TMEM266: variants seen among roughly 807,000 people sequenced by gnomAD.
TMEM266 encodes the protein Hv1 related protein 1.
TMEM266 carries 33 observed loss-of-function variants against 50.5 expected under a neutral mutation model. The ratio of observed to expected loss-of-function variants is 0.65; its 90% confidence interval spans 0.50 to 0.87. The LOEUF is 0.87. Among genes scored for constraint, TMEM266 ranks in the 40% least tolerant of loss-of-function variants. TMEM266 has a pLI of 0.00. For synonymous variants in TMEM266, 310 were observed against 292.3 expected (o/e 1.06, Z -0.62); for missense variants, 655 against 695.1 (o/e 0.94, Z 0.65).
chr15:76,070,915 G>T (rs928109855), intron 1 of TMEM266, among the ~76,000 whole-genome samples: 2 of 152,202 alleles, frequency 1.3e-5, no homozygotes, highest in Non-Finnish European at 2.9e-5. Flanking sequence ...CAGATGTGGA[G>T]CCTGAGGCCC....
At chr15:76,116,695 G>T (rs1387578958) in intron 1 of TMEM266, among the ~76,000 whole-genome samples, 1 of 152,046 alleles carries the variant, frequency 6.6e-6, no homozygotes, top group African/African-American at 2.4e-5. Context: ...TAGGACAACA[G>T]GAAAAGTCTC....
intron 1 of TMEM266, among the ~76,000 whole-genome samples, chr15:76,110,629 A>G (rs551277430): frequency 6.6e-6 from 1 of 152,324 alleles, no homozygotes; most frequent in African/African-American, 2.4e-5. Flanking sequence ...GAGGTCAAAG[A>G]TCACCCAGGT....
intron 8 of TMEM266, among the ~76,000 whole-genome samples, chr15:76,178,203 AGTT>A (rs1360197920): frequency 2.0e-5 from 3 of 151,794 alleles, no homozygotes; most frequent in African/African-American, 7.3e-5. Flanking sequence ...CTCAGATGTG[AGTT>A]GTTGATGGAG....
In TMEM266 at chr15:76,160,555, G is replaced by T. The variant is rs1002632269; in HGVS notation, c.456+387G>T. ...CAGGTGCCCACACAGGGAAGCTCTTGGGCCGCTGTGGCTGTGGTCTTGGGC... is the reference window on the plus strand; with the variant it reads ...CAGGTGCCCACACAGGGAAGCTCTTTGGCCGCTGTGGCTGTGGTCTTGGGC... On this transcript the variant is annotated intron_variant, in intron 5 of 10. Coordinates refer to ENST00000388942, the MANE Select transcript of TMEM266 (RefSeq NM_152335.3). This position sits in a 1 kb window ranked among gnomAD's most constrained non-coding sequence, Gnocchi z 5.7. Among the ~76,000 whole-genome samples, 8 of 152,232 alleles carry T rather than the reference G, an allele frequency of 5.3e-5. No homozygotes were observed. In the South Asian group the frequency reaches 1.4e-3, roughly 28 times the overall value.
chr15:76,171,890 A>G (rs1027019298), intron 7 of TMEM266, among the ~76,000 whole-genome samples: 1 of 152,068 alleles, frequency 6.6e-6, no homozygotes, highest in African/African-American at 2.4e-5. Context: ...GGGACAGAAA[A>G]CCCACCCCTG....
intron 1 of TMEM266, among the ~76,000 whole-genome samples, chr15:76,123,471 G>A (rs1161843165): frequency 2.0e-5 from 3 of 152,094 alleles, no homozygotes; most frequent in Non-Finnish European, 4.4e-5. Flanking sequence ...CTATCTCCAC[G>A]TAAAAGAACC....
chr15:76,131,591 ATC>A (rs1263502871), intron 1 of TMEM266, among the ~76,000 whole-genome samples: 2 of 152,196 alleles, frequency 1.3e-5, no homozygotes, highest in African/African-American at 4.8e-5. Context: ...TACTGATTAA[ATC>A]TGTTATGGAA....
At chr15:76,186,491 T>C (rs1432792982) in intron 8 of TMEM266, among the ~76,000 whole-genome samples, 1 of 152,194 alleles carries the variant, frequency 6.6e-6, no homozygotes, top group Admixed American at 6.5e-5. Context: ...GATGGACAGC[T>C]TCCAGTCACC....
chr15:76,138,731 T>C (rs1287931314), intron 3 of TMEM266, among the ~76,000 whole-genome samples: 1 of 152,248 alleles, frequency 6.6e-6, no homozygotes, highest in Non-Finnish European at 1.5e-5. Context: ...AATATGTGGG[T>C]CCACAATTCA....
In TMEM266 at chr15:76,134,246, T is replaced by G; in HGVS notation, c.-18T>G. 1 of 1,613,934 alleles carries G rather than the reference T, an allele frequency of 6.2e-7. No homozygotes were observed. The highest frequency in any genetic ancestry group is 2.2e-5 in the East Asian group (1 of 44,888). The stretch of plus-strand genomic sequence containing the variant: ...AGGCTTCAGGACAGCTGAGCCCCAC[T>G]AAACACCAAGAAAACCCATGGCTGT... On this transcript the variant is annotated 5_prime_UTR_variant, in exon 2 of 11. An upstream open reading frame in the 5' UTR loses its in-frame stop. Coordinates refer to ENST00000388942, the MANE Select transcript of TMEM266 (RefSeq NM_152335.3).
At chr15:76,166,239 G>A (rs2038095230) in intron 5 of TMEM266, among the ~76,000 whole-genome samples, 1 of 152,158 alleles carries the variant, frequency 6.6e-6, no homozygotes, top group Non-Finnish European at 1.5e-5. Flanking sequence ...GCTGCGGGGG[G>A]GAAAAGCCAG....
intron 10 of TMEM266, among the ~76,000 whole-genome samples, chr15:76,202,966 C>T (rs1378809236): frequency 1.3e-5 from 2 of 152,126 alleles, no homozygotes; most frequent in Admixed American, 6.5e-5. Context: ...TCCCTCAAAG[C>T]CTCATCCAAT....
Position 76,072,800 on chromosome 15 carries a change from G to A in TMEM266, c.-97+12784G>A, listed in dbSNP as rs578183305. Among the ~76,000 whole-genome samples, 52 of 151,932 alleles carry A rather than the reference G, an allele frequency of 3.4e-4. 1 individual carries two copies. The highest frequency in any genetic ancestry group is 1.2e-3 in the African/African-American group (50 of 41,442). On this transcript the variant is annotated intron_variant, in intron 1 of 10. Transcript: ENST00000388942. ...TTACATGTGCACACCACCATGCCCA[G>A]CTAATTTTTGTATTTTTAATAAAGA...
At chr15:76,182,056 G>A (rs1158766455) in intron 8 of TMEM266, among the ~76,000 whole-genome samples, 1 of 152,188 alleles carries the variant, frequency 6.6e-6, no homozygotes, top group African/African-American at 2.4e-5. Context: ...TCAAGGTCCA[G>A]CCTCCAAGGA....
intron 1 of TMEM266, among the ~76,000 whole-genome samples, chr15:76,072,813 T>C (rs1297745793): frequency 1.3e-5 from 2 of 151,902 alleles, no homozygotes; most frequent in African/African-American, 2.4e-5. Flanking sequence ...AATTTTTGTA[T>C]TTTTAATAAA....
At chr15:76,062,594 G>C (rs914380725) in intron 1 of TMEM266, among the ~76,000 whole-genome samples, 1 of 152,166 alleles carries the variant, frequency 6.6e-6, no homozygotes, top group Non-Finnish European at 1.5e-5. Context: ...CTTGATTTCT[G>C]GGGAGGAAAT....
At chr15:76,125,440 C>T (rs1408702219) in intron 1 of TMEM266, among the ~76,000 whole-genome samples, 1 of 151,656 alleles carries the variant, frequency 6.6e-6, no homozygotes, top group Non-Finnish European at 1.5e-5. Flanking sequence ...GAAACCCATA[C>T]AACTCAATAT....
chr15:76,169,401 G>C (rs1417005032), intron 5 of TMEM266, among the ~76,000 whole-genome samples: 3 of 151,970 alleles, frequency 2.0e-5, no homozygotes, highest in Non-Finnish European at 4.4e-5. Flanking sequence ...CCATGAGAGA[G>C]AGAGCTTGTA....
At chr15:76,159,989 A>C in intron 4 of TMEM266, 106 bp from the exon 5 acceptor site, 1 of 1,049,422 alleles carries the variant, frequency 9.5e-7, no homozygotes. Context: ...ACGTTCATGC[A>C]GGCGGGCCCC....
Sources: allele counts gnomAD v4.1 joint callset (sites outside exome capture counted in the v4.1 genomes callset), GRCh38; gene constraint gnomAD v4.1.1; non-coding constraint Gnocchi (gnomAD v3.1); transcripts MANE v1.5; gene names NCBI Gene and HGNC (gene_info 2026-07-23, HGNC 2026-07-21).